CHTF8: variants seen among roughly 807,000 people sequenced by gnomAD.
CHTF8 encodes chromosome transmission fidelity factor 8.
Under a neutral mutation model 11.0 loss-of-function variants are expected in CHTF8, and 6 were observed. The observed-to-expected ratio is 0.55, with a 90% CI of 0.30 to 1.08. The LOEUF (loss-of-function observed/expected upper bound fraction) is 1.08. CHTF8 is among the 50% of genes least tolerant of loss of function. The pLI is 0.07. For synonymous variants in CHTF8, 53 were observed against 60.5 expected (o/e 0.88, Z 0.57); for missense variants, 140 against 153.1 (o/e 0.91, Z 0.45).
Position 69,121,264 on chromosome 16 carries a change from G to C in CHTF8, c.24-94C>G. ...CATTTGAGGCCCAAAGGACCTCTTT[G>C]TTGGATGTCAAGTTCTTGGGAAATT... On this transcript the variant is annotated intron_variant, in intron 2 of 3. Coordinates refer to ENST00000448552, the MANE Select transcript of CHTF8 (RefSeq NM_001039690.5). The C allele has an allele frequency of 2.3e-6, 3 of 1,318,394 alleles. No individual in the cohort carries two copies. In the Admixed American group the frequency reaches 5.9e-5, roughly 26 times the overall value. 81.7% of individuals were successfully genotyped at this position (1,318,394 alleles called of 1,614,324 possible).
rs766507616 is a variant in CHTF8 at position 69,120,640 on chromosome 16, C to T, written c.151G>A (p.Val51Met). ...AGGATATGATGCCCCACGATCAGCA[C>T]AGGGATTCCCTTTGGCAGAACAAGA... ...DLHYTTEGIP[V>M]LIVGHHILYG... The change falls in exon 4 of 4, where the codon GTG becomes ATG. Residue 51 changes from valine to methionine, a missense_variant. By Grantham distance (21) the Val-to-Met change is conservative (BLOSUM62 1). Coordinates refer to ENST00000448552, the MANE Select transcript of CHTF8 (RefSeq NM_001039690.5). The surrounding 1 kb of genome is among the most constrained non-coding windows in gnomAD (Gnocchi z 4.0). 1 of 1,608,340 alleles carries T rather than the reference C, an allele frequency of 6.2e-7. No individual in the cohort carries two copies. Among genetic ancestry groups the T allele is most frequent in the African/African-American group, 1.3e-5 (1 of 74,884 alleles).
At chr16:69,130,309 TTTTG>T (rs145111172) in intron 1 of CHTF8, among the ~76,000 whole-genome samples, 16,130 of 152,092 alleles carry the variant, frequency 0.11, 1,076 homozygotes, top group Non-Finnish European at 0.15. Context: ...GTTTTAGAAA[TTTTG>T]TTTTTTTTTC....
chr16:69,128,037 C>T (rs1190669974), intron 1 of CHTF8, among the ~76,000 whole-genome samples: 4 of 152,154 alleles, frequency 2.6e-5, no homozygotes, highest in Non-Finnish European at 5.9e-5. Context: ...GCCTCAGCCT[C>T]CCGAGTAACT....
rs568564552 is a variant in CHTF8 at position 69,121,525 on chromosome 16, TAAC to T, written c.-35-35_-35-33del. 1.2e-3 allele frequency: 1,641 copies of T among 1,362,758 alleles called. 33 individuals carry two copies. In the South Asian group the frequency reaches 0.017, roughly 15 times the overall value. 84.4% of individuals were successfully genotyped at this position (1,362,758 alleles called of 1,614,324 possible). ...AGAGAAAAAAAGAGATTTAGGGTAA[TAAC>T]AACAACAACTAATAATGACACCTAA... is the stretch of plus-strand genomic sequence containing the variant. On this transcript the variant is annotated intron_variant, in intron 1 of 3. Coordinates refer to ENST00000448552, the MANE Select transcript of CHTF8 (RefSeq NM_001039690.5).
rs1329673587 is a variant in CHTF8, at chr16:69,119,594, G to C, written c.*831C>G. ...GCTCCTAAAAGACCTGCTGCTCTTA[G>C]AATGGGGGCAAGATCGAGGCCTTGA... On this transcript the variant is annotated 3_prime_UTR_variant, in exon 4 of 4. Transcript: ENST00000448552. 8.6e-6 allele frequency: 6 copies of C among 701,492 alleles called. No homozygotes were observed. The South Asian group carries it at 8.9e-5, about 10-fold the overall frequency. 43.5% of individuals were successfully genotyped at this position (701,492 alleles called of 1,614,324 possible). A position where few individuals can be genotyped will look rare whatever the true frequency, so the allele number is the denominator to read the frequency against.
In CHTF8 at chr16:69,120,823, A is replaced by AGCC; in HGVS notation, c.142-177_142-175dup. ...CACCCATGTGCCCTTTTTACTTTCT[A>AGCC]GCCCCACATAGGAGAATTTCCACTT... is the stretch of plus-strand genomic sequence containing the variant. On this transcript the variant is annotated intron_variant, in intron 3 of 3. Transcript: ENST00000448552. This position sits in a 1 kb window ranked among gnomAD's most constrained non-coding sequence, Gnocchi z 4.0. 1.4e-6 allele frequency: 1 copy of AGCC among 727,528 alleles called. No homozygotes were observed. Among genetic ancestry groups the AGCC allele is most frequent in the Non-Finnish European group, 2.4e-6 (1 of 413,854 alleles). The allele number at this position is 727,528 out of a possible 1,614,324, so 45.1% of individuals were successfully genotyped here. A position where few individuals can be genotyped will look rare whatever the true frequency, so the allele number is the denominator to read the frequency against.
chr16:69,119,490 C>T lies in CHTF8; in HGVS notation c.*935G>A. The T allele has an allele frequency of 1.4e-6, 1 of 702,980 alleles. No homozygotes were observed. Among genetic ancestry groups the T allele is most frequent in the South Asian group, 1.5e-5 (1 of 67,598 alleles). 43.5% of individuals were successfully genotyped at this position (702,980 alleles called of 1,614,324 possible). A position where few individuals can be genotyped will look rare whatever the true frequency, so the allele number is the denominator to read the frequency against. ...GAGAGCTAGGACCCGAGTTTGGGCC[C>T]ATGGGGCCAGGTACTCTTGCCATGG... On this transcript the variant is annotated 3_prime_UTR_variant, in exon 4 of 4. Coordinates refer to ENST00000448552, the MANE Select transcript of CHTF8 (RefSeq NM_001039690.5).
intron 1 of CHTF8, among the ~76,000 whole-genome samples, chr16:69,126,651 G>A (rs1030402363): frequency 2.0e-5 from 3 of 152,224 alleles, no homozygotes; most frequent in Admixed American, 6.5e-5. Flanking sequence ...TAAGAGTTTA[G>A]TTCACAGGAA....
At chr16:69,121,741 C>T (rs533951989) in intron 1 of CHTF8, among the ~76,000 whole-genome samples, 16 of 150,988 alleles carry the variant, frequency 1.1e-4, no homozygotes, top group South Asian at 4.2e-4. Context: ...GATCTCAGCT[C>T]ACTGCAAGCT....
At position 69,120,285 on chromosome 16, in the gene CHTF8, C is replaced by A. The variant is rs1413263592; in HGVS notation, c.*140G>T. The A allele has an allele frequency of 2.5e-6, 2 of 788,794 alleles. No individual in the cohort carries two copies. The highest frequency in any genetic ancestry group is 3.4e-5 in the African/African-American group (2 of 58,768). The allele number at this position is 788,794 out of a possible 1,614,324, so 48.9% of individuals were successfully genotyped here. ...AACCGGCCGCCATAAGGAAGGGATC[C>A]GAGTTCACACCCAGTGGGTGGCCTG... On this transcript the variant is annotated 3_prime_UTR_variant, in exon 4 of 4. Transcript: ENST00000448552. This position sits in a 1 kb window ranked among gnomAD's most constrained non-coding sequence, Gnocchi z 4.0.
Position 69,118,087 on chromosome 16 carries a change from A to C in CHTF8, c.*2338T>G. 7.6e-6 allele frequency: 4 copies of C among 525,908 alleles called. No homozygotes were observed. Among genetic ancestry groups the C allele is most frequent in the Non-Finnish European group, 6.9e-6 (2 of 291,886 alleles). 32.6% of individuals were successfully genotyped at this position (525,908 alleles called of 1,614,324 possible). On this transcript the variant is annotated 3_prime_UTR_variant, in exon 4 of 4. Transcript: ENST00000448552. ...AAACCACCAACCATCCTTGCACACC[A>C]GGCCGAACAAAGCACAGTGATTTCT...
intron 1 of CHTF8, among the ~76,000 whole-genome samples, chr16:69,127,389 C>T (rs575769688): frequency 5.9e-5 from 9 of 151,918 alleles, no homozygotes; most frequent in Non-Finnish European, 1.2e-4. Flanking sequence ...TGGAAATTAT[C>T]TGTATAAGAA....
Position 69,118,123 on chromosome 16 carries a change from C to T in CHTF8, c.*2302G>A. The T allele has an allele frequency of 2.5e-6, 1 of 399,444 alleles. No individual in the cohort carries two copies. Among genetic ancestry groups the T allele is most frequent in the Non-Finnish European group, 4.5e-6 (1 of 221,434 alleles). The allele number at this position is 399,444 out of a possible 1,614,324, so 24.7% of individuals were successfully genotyped here. A position where few individuals can be genotyped will look rare whatever the true frequency, so the allele number is the denominator to read the frequency against. On this transcript the variant is annotated 3_prime_UTR_variant, in exon 4 of 4. Transcript: ENST00000448552. ...AGCACAGTGATTTCTTCCCTTCATC[C>T]CCCACCCCCACCCTAATTCCCATAT...
At chr16:69,129,099 A>C (rs931484043) in intron 1 of CHTF8, among the ~76,000 whole-genome samples, 7 of 151,210 alleles carry the variant, frequency 4.6e-5, no homozygotes, top group Admixed American at 2.6e-4. Context: ...CAAAAAAAAA[A>C]CTGGCAAATC....
chr16:69,130,354 C>T (rs1364002514), intron 1 of CHTF8, among the ~76,000 whole-genome samples: 1 of 152,008 alleles, frequency 6.6e-6, no homozygotes, highest in Admixed American at 6.6e-5. Context: ...AAATTCTCAA[C>T]CCTTAAACAT....
At chr16:69,121,304 A>C (rs957968029) in intron 2 of CHTF8, 132 bp downstream of exon 2, 1 of 1,213,038 alleles carries the variant, frequency 8.2e-7, no homozygotes, top group African/African-American at 1.5e-5. Context: ...AGTGCTAGGC[A>C]TGGAACTAGA....
At position 69,120,102 on chromosome 16, in the gene CHTF8, T is replaced by G. The variant is rs2152265764; in HGVS notation, c.*323A>C. On this transcript the variant is annotated 3_prime_UTR_variant, in exon 4 of 4. Transcript: ENST00000448552. The surrounding 1 kb of genome is among the most constrained non-coding windows in gnomAD (Gnocchi z 4.0). ...GGCCACCAGGCCTTGGGAAAGAAAC[T>G]GCACCTGTGCCAGTGGGATTCATCC... The G allele has an allele frequency of 1.4e-6, 1 of 699,090 alleles. No individual in the cohort carries two copies. The highest frequency in any genetic ancestry group is 2.7e-5 in the East Asian group (1 of 37,266). 43.3% of individuals were successfully genotyped at this position (699,090 alleles called of 1,614,324 possible). A position where few individuals can be genotyped will look rare whatever the true frequency, so the allele number is the denominator to read the frequency against.
chr16:69,128,848 G>T (rs1016021068), intron 1 of CHTF8, among the ~76,000 whole-genome samples: 3 of 152,082 alleles, frequency 2.0e-5, no homozygotes, highest in Non-Finnish European at 4.4e-5. Flanking sequence ...GGTAGATCAT[G>T]AAGTCATGAG....
chr16:69,132,462 T>TA (rs1326032286), intron 1 of CHTF8, 22 bp downstream of exon 1: 1 of 185,808 alleles, frequency 5.4e-6, no homozygotes, highest in Non-Finnish European at 1.0e-5. Flanking sequence ...CAGCCTCCCG[T>TA]GCCCCCCGCC....
Sources: allele counts gnomAD v4.1 joint callset (sites outside exome capture counted in the v4.1 genomes callset), GRCh38; gene constraint gnomAD v4.1.1; non-coding constraint Gnocchi (gnomAD v3.1); transcripts MANE v1.5; gene names NCBI Gene and HGNC (gene_info 2026-07-23, HGNC 2026-07-21).